AGBL1: variants seen among roughly 807,000 people sequenced by gnomAD.
AGBL1 encodes AGBL carboxypeptidase 1, also known as cytosolic carboxypeptidase 4.
AGBL1 carries 130 observed loss-of-function variants against 118.9 expected under a neutral mutation model. The observed-to-expected ratio is 1.09, with a 90% CI of 0.95 to 1.26. The LOEUF (loss-of-function observed/expected upper bound fraction) is 1.26. Ranked by LOEUF, AGBL1 falls within the 50% of genes most tolerant of loss-of-function variation. The pLI is 0.00. For synonymous variants in AGBL1, 555 were observed against 478.9 expected (o/e 1.16, Z -2.08); for missense variants, 1,584 against 1,298.1 (o/e 1.22, Z -3.38).
intron 22 of AGBL1, among the ~76,000 whole-genome samples, chr15:86,747,275 A>G (rs2077771490): frequency 6.6e-6 from 1 of 152,124 alleles, no homozygotes; most frequent in Non-Finnish European, 1.5e-5. Context: ...TTGAAAGAAA[A>G]CAGTAATAGC....
intron 22 of AGBL1, among the ~76,000 whole-genome samples, chr15:86,894,468 G>T (rs1467782354): frequency 6.6e-6 from 1 of 152,168 alleles, no homozygotes; most frequent in Non-Finnish European, 1.5e-5. Context: ...AGAAGCTGCT[G>T]TCTGCTCTCT....
intron 18 of AGBL1, among the ~76,000 whole-genome samples, chr15:86,468,549 T>A (rs2082437090): frequency 6.6e-6 from 1 of 152,192 alleles, no homozygotes; most frequent in African/African-American, 2.4e-5. Flanking sequence ...CCGTTCCTCT[T>A]CTTCTGAGGA....
At chr15:86,817,463 T>TATACAC (rs1555453339) in intron 22 of AGBL1, among the ~76,000 whole-genome samples, 1 of 133,410 alleles carries the variant, frequency 7.5e-6, no homozygotes, top group African/African-American at 2.9e-5. Flanking sequence ...CTCTGAGAGA[T>TATACAC]ACACACACAC....
chr15:86,179,898 C>G (rs2077529592), intron 5 of AGBL1, among the ~76,000 whole-genome samples: 1 of 152,046 alleles, frequency 6.6e-6, no homozygotes, highest in African/African-American at 2.4e-5. Flanking sequence ...CTACATAGTG[C>G]AACAAATTAT....
intron 18 of AGBL1, among the ~76,000 whole-genome samples, chr15:86,497,203 A>G (rs1473499154): frequency 1.3e-5 from 2 of 151,946 alleles, no homozygotes; most frequent in African/African-American, 4.8e-5. Flanking sequence ...TAAATTTTGC[A>G]TCTCGCTTCC....
intron 17 of AGBL1, among the ~76,000 whole-genome samples, chr15:86,388,947 A>G (rs2081237004): frequency 6.6e-6 from 1 of 152,208 alleles, no homozygotes; most frequent in Non-Finnish European, 1.5e-5. Context: ...AGTCAGAATT[A>G]TTTGTTACTA....
At chr15:86,919,511 T>C (rs2080462892), downstream of AGBL1, among the ~76,000 whole-genome samples, 1 of 151,852 alleles carries the variant, frequency 6.6e-6, no homozygotes, top group Non-Finnish European at 1.5e-5. Context: ...GGAGAATGAA[T>C]TGACACTGAA....
intron 21 of AGBL1, among the ~76,000 whole-genome samples, chr15:86,624,789 C>T (rs528437001): frequency 6.6e-6 from 1 of 152,282 alleles, no homozygotes; most frequent in African/African-American, 2.4e-5. Context: ...TCTACAAACT[C>T]AGGAGGGAGA....
At chr15:86,760,451 G>C (rs141090758) in intron 22 of AGBL1, among the ~76,000 whole-genome samples, 38 of 152,142 alleles carry the variant, frequency 2.5e-4, no homozygotes, top group Admixed American at 1.4e-3. Flanking sequence ...ATTTCTCAAT[G>C]ACTTTCTAAA....
chr15:86,199,465 A>G (rs1214706190), intron 5 of AGBL1, among the ~76,000 whole-genome samples: 1 of 152,246 alleles, frequency 6.6e-6, no homozygotes, highest in Admixed American at 6.5e-5. Context: ...TAATTGGCTA[A>G]TAGTTCTCAA....
chr15:86,961,036 A>G (rs1246660626), intron 23 of AGBL1, among the ~76,000 whole-genome samples: 3 of 152,028 alleles, frequency 2.0e-5, no homozygotes. Flanking sequence ...AGAGTTAATA[A>G]TACTCTATTG....
At chr15:86,145,248 A>G (rs921400501) in intron 3 of AGBL1, among the ~76,000 whole-genome samples, 1 of 152,242 alleles carries the variant, frequency 6.6e-6, no homozygotes, top group Non-Finnish European at 1.5e-5. Context: ...TCAATCCACT[A>G]CAAGTCACAC....
intron 1 of AGBL1, among the ~76,000 whole-genome samples, chr15:86,125,171 T>G (rs1461053573): frequency 2.0e-5 from 3 of 152,142 alleles, no homozygotes; most frequent in Non-Finnish European, 4.4e-5. Context: ...AGCCAAAACT[T>G]AAGACAGAGT....
chr15:86,847,186 A>C (rs34521642), intron 22 of AGBL1, among the ~76,000 whole-genome samples: 25,655 of 152,144 alleles, frequency 0.17, 2,308 homozygotes, highest in South Asian at 0.28. Context: ...AGTGTTGTTT[A>C]GTCCTTTGAA....
intron 22 of AGBL1, among the ~76,000 whole-genome samples, chr15:86,755,836 C>G (rs1316169138): frequency 6.6e-6 from 1 of 152,102 alleles, no homozygotes; most frequent in Non-Finnish European, 1.5e-5. Flanking sequence ...TTGCTTCACC[C>G]TTAAGAAGGA....
At chr15:86,153,442 G>A (rs558861102) in intron 3 of AGBL1, among the ~76,000 whole-genome samples, 44 of 151,648 alleles carry the variant, frequency 2.9e-4, no homozygotes, top group African/African-American at 3.6e-4. Flanking sequence ...GCTCTCACTC[G>A]TAGGTGGGAA....
intron 5 of AGBL1, among the ~76,000 whole-genome samples, chr15:86,172,680 C>T (rs1422858270): frequency 6.6e-6 from 1 of 152,202 alleles, no homozygotes; most frequent in Admixed American, 6.5e-5. Flanking sequence ...GACAGGATTT[C>T]ATTCTTGTTT....
chr15:86,386,715 A>G lies in AGBL1; in HGVS notation c.2375-10651A>G, dbSNP rs541396096. On this transcript the variant is annotated intron_variant, in intron 17 of 22. Transcript: ENST00000614907. ...TTACCTCCCTCTGCTTTAAGTAAAT[A>G]CCCACTAATGCCCAGGACCTCAAGC... is the stretch of plus-strand genomic sequence containing the variant. 7.2e-5 allele frequency among the ~76,000 whole-genome samples: 11 copies of G among 152,182 alleles called. No individual in the cohort carries two copies. The South Asian group carries it at 2.1e-3, about 29-fold the overall frequency.
At chr15:86,692,478 AC>A (rs1215927928) in intron 22 of AGBL1, among the ~76,000 whole-genome samples, 2 of 152,092 alleles carry the variant, frequency 1.3e-5, no homozygotes, top group Non-Finnish European at 2.9e-5. Context: ...AGGACTACCC[AC>A]CAGGAACTGC....
Sources: allele counts gnomAD v4.1 joint callset (sites outside exome capture counted in the v4.1 genomes callset), GRCh38; gene constraint gnomAD v4.1.1; transcripts MANE v1.5; gene names NCBI Gene and HGNC (gene_info 2026-07-23, HGNC 2026-07-21).